The following TCF3 variants were observed in gnomAD, a reference collection of about 807,000 sequenced individuals.
TCF3 encodes transcription factor 3, also known as transcription factor E2-alpha.
Under a neutral mutation model 72.3 loss-of-function variants are expected in TCF3, and 54 were observed. That is an observed-to-expected ratio of 0.75 (90% CI 0.60 to 0.94). TCF3 has a LOEUF of 0.94. TCF3 is among the 40% of genes least tolerant of loss of function. TCF3 has a pLI of 0.00. For missense variants in TCF3, 1,078 were observed against 934.4 expected, an observed-to-expected ratio of 1.15 and a Z score of -2.00; for synonymous variants, 525 against 412.6, an observed-to-expected ratio of 1.27 and a Z score of -3.30.
In TCF3 at chr19:1,615,625, C is replaced by G; in HGVS notation, c.1586+61G>C. On this transcript the variant is annotated intron_variant, in intron 17 of 18. Coordinates refer to ENST00000262965, the MANE Select transcript of TCF3 (RefSeq NM_003200.5). This position sits in a 1 kb window ranked among gnomAD's most constrained non-coding sequence, Gnocchi z 7.3. Reference sequence around the variant, plus strand: ...CAGTGTGGGTGCGGTGTGCGTGTGGCCTGTGCACATGTGCGTCCTGATGGG... The same window carrying G: ...CAGTGTGGGTGCGGTGTGCGTGTGGGCTGTGCACATGTGCGTCCTGATGGG... 6.2e-7 allele frequency: 1 copy of G among 1,611,158 alleles called. No homozygotes were observed. Among genetic ancestry groups the G allele is most frequent in the Non-Finnish European group, 8.5e-7 (1 of 1,179,790 alleles).
intron 8 of TCF3, 135 bp from the exon 9 acceptor site, chr19:1,622,550 C>T (rs2062374171): frequency 1.9e-6 from 1 of 535,790 alleles, no homozygotes; most frequent in South Asian, 3.0e-5. Flanking sequence ...AGCCACCCCC[C>T]TTTAGGTAAA....
intron 3 of TCF3, among the ~76,000 whole-genome samples, chr19:1,641,911 T>C (rs1600029103): frequency 6.6e-6 from 1 of 152,014 alleles, no homozygotes; most frequent in Admixed American, 6.6e-5. Context: ...AATACATATT[T>C]TTTTAATTAG....
At chr19:1,638,363 T>C (rs971542086) in intron 3 of TCF3, among the ~76,000 whole-genome samples, 10 of 152,196 alleles carry the variant, frequency 6.6e-5, no homozygotes, top group African/African-American at 1.9e-4. Context: ...ACAATGTTTT[T>C]TTGTTTTTTT....
chr19:1,620,992 C>CG lies in TCF3; in HGVS notation c.1068dup (p.Val357ArgfsTer36). 6.6e-7 allele frequency: 1 copy of CG among 1,515,078 alleles called. No individual in the cohort carries two copies. Among genetic ancestry groups the CG allele is most frequent in the Non-Finnish European group, 8.8e-7 (1 of 1,132,882 alleles). The allele number at this position is 1,515,078 out of a possible 1,614,324, so 93.9% of individuals were successfully genotyped here. A position where few individuals can be genotyped will look rare whatever the true frequency, so the allele number is the denominator to read the frequency against. ...CCTGCCAGGCCCTGGGGGGAGCCCACGGGGGTAGAAGGGCTGGACGAGAAG... is the reference window on the plus strand; with the variant it reads ...CCTGCCAGGCCCTGGGGGGAGCCCACGGGGGGTAGAAGGGCTGGACGAGAAG... On this transcript the variant is annotated frameshift_variant, in exon 13 of 19. Transcript: ENST00000262965. LOFTEE classifies it high-confidence loss of function.
intron 2 of TCF3, among the ~76,000 whole-genome samples, chr19:1,648,505 G>T (rs550908328): frequency 6.6e-6 from 1 of 152,164 alleles, no homozygotes; most frequent in South Asian, 2.1e-4. Flanking sequence ...CCCCCCAAAC[G>T]CTGGTCTGTT....
At chr19:1,645,109 G>C (rs906877411) in intron 3 of TCF3, among the ~76,000 whole-genome samples, 2 of 152,128 alleles carry the variant, frequency 1.3e-5, no homozygotes, top group East Asian at 1.9e-4. Flanking sequence ...CTCCATGTGG[G>C]GGTGCAAGTG....
At chr19:1,650,939 A>G (rs1230119365) in intron 1 of TCF3, 1 of 230,156 alleles carries the variant, frequency 4.3e-6, no homozygotes, top group Non-Finnish European at 8.6e-6. Context: ...CCTCCCCCCA[A>G]GAAAACCCCA....
rs545747342 is a variant in TCF3 at position 1,611,687 on chromosome 19, G to A, written c.*20C>T. ...GCACAGGGCTGAAAGCGGGTGGCTC[G>A]TCCCACGGAGGCATACCTTTCACAT... On this transcript the variant is annotated 3_prime_UTR_variant, in exon 19 of 19. Transcript: ENST00000262965. 2.0e-5 allele frequency: 32 copies of A among 1,604,908 alleles called. 1 individual carries two copies. The highest frequency in any genetic ancestry group is 8.5e-5 in the Admixed American group (5 of 59,116).
chr19:1,637,124 A>C (rs542306281), intron 3 of TCF3, among the ~76,000 whole-genome samples: 160 of 151,620 alleles, frequency 1.1e-3, no homozygotes, highest in African/African-American at 3.4e-3. Flanking sequence ...GACAACTGGC[A>C]ACCTCCTCCA....
chr19:1,650,793 A>C (rs924072990), intron 1 of TCF3: 3 of 230,592 alleles, frequency 1.3e-5, no homozygotes, highest in African/African-American at 4.4e-5. Context: ...GTCGCCCCCA[A>C]ATTCAACATG....
chr19:1,622,341 G>T lies in TCF3; in HGVS notation c.624C>A (p.Ser208Arg). The T allele has an allele frequency of 6.5e-7, 1 of 1,534,918 alleles. No homozygotes were observed. Residue 208 changes from serine (S) to arginine (R), a missense_variant, in exon 9 of 19, where the codon AGC becomes AGA. Transcript: ENST00000262965. ...CCACGTAGAAGGGGGCGGGATAGGT[G>T]CTGCTGGGGGTCTTGGCGGACGGGT... Reference protein sequence around the residue: ...TAYPSAKTPSSTYPAPFYVAD... With the variant: ...TAYPSAKTPSRTYPAPFYVAD...
chr19:1,611,885 C>T (rs1469791023), intron 18 of TCF3, 36 bp from the exon 19 acceptor site: 2 of 1,480,634 alleles, frequency 1.4e-6, no homozygotes, highest in Non-Finnish European at 1.8e-6. Context: ...GGGAGACGGT[C>T]CCAGGGAGGA....
In TCF3 at chr19:1,615,077, C is replaced by T. The variant is rs991598206; in HGVS notation, c.1822+208G>A. On this transcript the variant is annotated intron_variant, in intron 18 of 18. Transcript: ENST00000262965. The surrounding 1 kb of genome is among the most constrained non-coding windows in gnomAD (Gnocchi z 7.3). Reference sequence around the variant, plus strand: ...CAGTCCTCCCACTGTGGAGGGGATGCTGAGGCAGGCAGGGAGAAGGGCTGG... The same window carrying T: ...CAGTCCTCCCACTGTGGAGGGGATGTTGAGGCAGGCAGGGAGAAGGGCTGG... Among the ~76,000 whole-genome samples, 2 of 152,128 alleles carry T rather than the reference C, an allele frequency of 1.3e-5. No homozygotes were observed. The highest frequency in any genetic ancestry group is 2.9e-5 in the Non-Finnish European group (2 of 68,028).
intron 16 of TCF3, among the ~76,000 whole-genome samples, chr19:1,617,386 C>A (rs570405177): frequency 1.6e-4 from 24 of 152,342 alleles, no homozygotes; most frequent in Middle Eastern, 6.8e-3. Flanking sequence ...GTAAAGAACA[C>A]GCTAGTGGGA....
intron 3 of TCF3, among the ~76,000 whole-genome samples, chr19:1,642,256 G>GCGCGCACACGCA (rs2065414131): frequency 6.6e-6 from 1 of 150,654 alleles, no homozygotes; most frequent in African/African-American, 2.4e-5. Flanking sequence ...ACACACACGT[G>GCGCGCACACGCA]CGCACACACG....
chr19:1,630,396 C>G (rs1466564825), intron 5 of TCF3, among the ~76,000 whole-genome samples: 2 of 152,210 alleles, frequency 1.3e-5, no homozygotes, highest in Admixed American at 6.5e-5. Context: ...CTACTGTACT[C>G]CAAGTTCGAG....
At chr19:1,638,772 C>T (rs974305355) in intron 3 of TCF3, among the ~76,000 whole-genome samples, 4 of 152,194 alleles carry the variant, frequency 2.6e-5, no homozygotes, top group African/African-American at 7.2e-5. Flanking sequence ...CTGGCAGAGC[C>T]GCAAAGCGGT....
Position 1,620,236 on chromosome 19 carries a change from G to A in TCF3, c.1094-383C>T, listed in dbSNP as rs185377494. 7.1e-4 allele frequency among the ~76,000 whole-genome samples: 108 copies of A among 152,280 alleles called. 1 individual carries two copies. The highest frequency in any genetic ancestry group is 2.5e-3 in the African/African-American group (104 of 41,540). The stretch of plus-strand genomic sequence containing the variant: ...AGCTCCAGGTGGGACCAGACAGGCC[G>A]AGGTGAAGTGAGGGTTCCTGGCGCT... On this transcript the variant is annotated intron_variant, in intron 13 of 18. Transcript: ENST00000262965.
chr19:1,621,816 G>A (rs558437454), intron 11 of TCF3, 22 bp downstream of exon 11: 29 of 1,568,812 alleles, frequency 1.8e-5, no homozygotes, highest in South Asian at 8.2e-5. Context: ...CGGAGAGGCC[G>A]CATCCCAGGG....
Sources: allele counts gnomAD v4.1 joint callset (sites outside exome capture counted in the v4.1 genomes callset), GRCh38; gene constraint gnomAD v4.1.1; non-coding constraint Gnocchi (gnomAD v3.1); transcripts MANE v1.5; gene names NCBI Gene and HGNC (gene_info 2026-07-23, HGNC 2026-07-21).